DRC9: variants seen among roughly 807,000 people sequenced by gnomAD.
DRC9 encodes dynein regulatory complex protein 9.
the DRC9 span, among the ~76,000 whole-genome samples, chr3:197,897,770 C>CTTTT: frequency 3.2e-5 from 4 of 126,370 alleles, no homozygotes; most frequent in Non-Finnish European, 3.3e-5. Flanking sequence ...AAGCATAAAC[C>CTTTT]TTTTTTTTTT....
chr3:197,896,357 A>G, the DRC9 span, among the ~76,000 whole-genome samples: 1 of 152,208 alleles, frequency 6.6e-6, no homozygotes, highest in Non-Finnish European at 1.5e-5. Flanking sequence ...AAAAAAATTA[A>G]TAAGTAACAG....
chr3:197,950,567 C>A, the DRC9 span: 1 of 333,128 alleles, frequency 3.0e-6, no homozygotes, highest in Non-Finnish European at 5.5e-6. Context: ...CTTTCCTCAG[C>A]TTTTCTCCCC....
the DRC9 span, chr3:197,950,134 T>G: frequency 2.4e-6 from 3 of 1,231,672 alleles, no homozygotes; most frequent in Admixed American, 4.2e-5. Context: ...ATGCCTAAAT[T>G]GAGGGCGGAG....
the DRC9 span, among the ~76,000 whole-genome samples, chr3:197,909,503 A>G: frequency 6.6e-6 from 1 of 152,208 alleles, no homozygotes; most frequent in African/African-American, 2.4e-5. Flanking sequence ...AGGTTTCGCA[A>G]TGTTATCACA....
chr3:197,943,007 A>T, the DRC9 span, among the ~76,000 whole-genome samples: 1 of 152,200 alleles, frequency 6.6e-6, no homozygotes, highest in African/African-American at 2.4e-5. Context: ...CTACAACCTA[A>T]GTTACTGAAA....
chr3:197,945,766 A>C, the DRC9 span: 1 of 643,022 alleles, frequency 1.6e-6, no homozygotes, highest in Admixed American at 3.0e-5. Context: ...CATTTCATTA[A>C]GAGAAAATTA....
At chr3:197,933,718 T>C in the DRC9 span, among the ~76,000 whole-genome samples, 14 of 152,126 alleles carry the variant, frequency 9.2e-5, no homozygotes, top group Non-Finnish European at 8.8e-5. Flanking sequence ...CTTCTGAATT[T>C]GGTGATTATT....
the DRC9 span, among the ~76,000 whole-genome samples, chr3:197,908,935 G>A: frequency 2.0e-5 from 3 of 150,964 alleles, no homozygotes; most frequent in Admixed American, 1.3e-4. Context: ...TCTGAAGAGC[G>A]AGCAACCCTT....
the DRC9 span, among the ~76,000 whole-genome samples, chr3:197,892,407 A>G: frequency 6.6e-6 from 1 of 152,218 alleles, no homozygotes; most frequent in African/African-American, 2.4e-5. Context: ...CAGCAGCAGC[A>G]TCTAAAAAGA....
the DRC9 span, chr3:197,943,915 T>G: frequency 6.2e-7 from 1 of 1,614,130 alleles, no homozygotes. Context: ...GTTTCCGGGA[T>G]TTCTGGGATG....
At chr3:197,932,157 C>A in the DRC9 span, 3 of 1,606,984 alleles carry the variant, frequency 1.9e-6, no homozygotes, top group African/African-American at 4.0e-5. Context: ...AGCAAGTAAA[C>A]CTAACATGAC....
chr3:197,920,037 TAA>T, the DRC9 span, among the ~76,000 whole-genome samples: 3 of 138,290 alleles, frequency 2.2e-5, no homozygotes, highest in Admixed American at 7.3e-5. Context: ...CCATCTCTAC[TAA>T]AAAAAAAAAA....
chr3:197,945,504 G>A, the DRC9 span: 3 of 692,858 alleles, frequency 4.3e-6, no homozygotes, highest in Non-Finnish European at 7.4e-6. Flanking sequence ...TATATTTTAA[G>A]TCACTAAGTT....
the DRC9 span, among the ~76,000 whole-genome samples, chr3:197,924,087 G>A: frequency 6.6e-6 from 1 of 151,610 alleles, no homozygotes; most frequent in Non-Finnish European, 1.5e-5. Context: ...TGGGCACGGT[G>A]GCTCACACCT....
At chr3:197,915,163 C>CAAAAAAAAAAAA in the DRC9 span, among the ~76,000 whole-genome samples, 10 of 71,244 alleles carry the variant, frequency 1.4e-4, no homozygotes, top group South Asian at 5.3e-4. Flanking sequence ...GATTCTGTCT[C>CAAAAAAAAAAAA]AAAAAAAAAA....
chr3:197,909,967 G>T, the DRC9 span, among the ~76,000 whole-genome samples: 1 of 152,112 alleles, frequency 6.6e-6, no homozygotes, highest in East Asian at 1.9e-4. Flanking sequence ...TCCAGCCTGG[G>T]CAACAGAGCA....
chr3:197,946,244 G>T, the DRC9 span, among the ~76,000 whole-genome samples: 3 of 151,848 alleles, frequency 2.0e-5, no homozygotes, highest in Non-Finnish European at 2.9e-5. Flanking sequence ...GACCATCCTG[G>T]CTAACACGGT....
the DRC9 span, among the ~76,000 whole-genome samples, chr3:197,904,110 A>ATATACATACATATATATATATATATATTT: frequency 1.2e-5 from 1 of 80,832 alleles, no homozygotes; most frequent in Admixed American, 1.1e-4. Flanking sequence ...ATATATATAT[A>ATATACATACATATATATATATATATATTT]TTTTTTTTTT....
At chr3:197,938,853 C>A in the DRC9 span, 1 of 1,010,782 alleles carries the variant, frequency 9.9e-7, no homozygotes, top group Admixed American at 2.0e-5. Context: ...CCTTTGTGTA[C>A]ATTTTTCAAC....
Sources: allele counts gnomAD v4.1 joint callset (sites outside exome capture counted in the v4.1 genomes callset), GRCh38; gene constraint gnomAD v4.1.1; transcripts MANE v1.5; gene names NCBI Gene and HGNC (gene_info 2026-07-23, HGNC 2026-07-21).